SORCS1: variants seen among roughly 807,000 people sequenced by gnomAD.
SORCS1 encodes VPS10 domain-containing receptor SorCS1.
Under a neutral mutation model 146.1 loss-of-function variants are expected in SORCS1, and 60 were observed. The ratio of observed to expected loss-of-function variants is 0.41; its 90% CI spans 0.33 to 0.51. The LOEUF is 0.51. Among genes scored for constraint, SORCS1 ranks in the 20% least tolerant of loss-of-function variants. The pLI, the probability that SORCS1 is intolerant of heterozygous loss-of-function variation, is 0.21. For synonymous variants in SORCS1, 637 were observed against 584.0 expected, an observed-to-expected ratio of 1.09 and a Z score of -1.31; for missense variants, 1,352 against 1,487.6, an observed-to-expected ratio of 0.91 and a Z score of 1.50.
chr10:107,176,492 C>A, the SORCS1 span, among the ~76,000 whole-genome samples: 2 of 151,886 alleles, frequency 1.3e-5, no homozygotes, highest in African/African-American at 4.8e-5. Flanking sequence ...GGCACTACTA[C>A]GCCTGGCTAA....
chr10:106,664,248 C>T (rs188004594), intron 17 of SORCS1, among the ~76,000 whole-genome samples: 1 of 152,280 alleles, frequency 6.6e-6, no homozygotes, highest in East Asian at 1.9e-4. Context: ...TTTTAATTGA[C>T]ATTATGATTT....
Position 107,164,113 on chromosome 10 carries a change from C to G in SORCS1, c.414G>C (p.Gln138His). 2 of 1,613,898 alleles carry G rather than the reference C, an allele frequency of 1.2e-6. No homozygotes were observed. The highest frequency in any genetic ancestry group is 1.7e-6 in the Non-Finnish European group (2 of 1,180,016). ...PRGVLRDGGQ[Q>H]EPGTRERDPD... ...GGTCCCGCTCCCGAGTCCCAGGCTC[C>G]TGCTGCCCTCCATCTCTTAGCACTC... Residue 138 changes from glutamine to histidine, a missense_variant, in exon 1 of 26, where the codon CAG becomes CAC. By Grantham distance (24) the Gln-to-His change is conservative. Around this residue, in one of 3 missense-constraint regions of SORCS1, gnomAD observed 490 missense variants for 489.1 expected, o/e 1.00. Coordinates refer to ENST00000263054, the MANE Select transcript of SORCS1 (RefSeq NM_052918.5). The surrounding 1 kb of genome is among the most constrained non-coding windows in gnomAD (Gnocchi z 6.8).
chr10:106,836,004 T>TA (rs5787690), intron 2 of SORCS1, among the ~76,000 whole-genome samples: 58,607 of 143,544 alleles, frequency 0.41, 11,502 homozygotes, highest in African/African-American at 0.45. Context: ...AGACTGCGTC[T>TA]AAAAAAAAAA....
rs181227174 is a variant in SORCS1 at position 106,972,093 on chromosome 10, C to T, written c.559-15513G>A. On this transcript the variant is annotated intron_variant, in intron 1 of 25. Coordinates refer to ENST00000263054, the MANE Select transcript of SORCS1 (RefSeq NM_052918.5). ...AAATTAGAAATCCCCAGGCCAGGCA[C>T]GGTGGTTCATGCCTGTAATCAATCA... 3.0e-3 allele frequency among the ~76,000 whole-genome samples: 450 copies of T among 152,138 alleles called. 2 individuals carry two copies. Among genetic ancestry groups the T allele is most frequent in the Non-Finnish European group, 4.7e-3 (321 of 67,984 alleles).
At chr10:107,171,948 C>A in the SORCS1 span, among the ~76,000 whole-genome samples, 1 of 152,200 alleles carries the variant, frequency 6.6e-6, no homozygotes, top group African/African-American at 2.4e-5. Flanking sequence ...ACTCAACTAC[C>A]TGCTCAGTTA....
intron 1 of SORCS1, among the ~76,000 whole-genome samples, chr10:107,110,389 G>A (rs964085259): frequency 2.6e-5 from 4 of 152,128 alleles, no homozygotes; most frequent in Non-Finnish European, 5.9e-5. Flanking sequence ...AGAAAGTATG[G>A]TGCAGGCATT....
Position 106,577,021 on chromosome 10 carries a change from C to T in SORCS1, c.*399G>A. On this transcript the variant is annotated 3_prime_UTR_variant, in exon 26 of 26. Transcript: ENST00000263054. ...GAGTGTTTTCCATTAAAATAGAGCA[C>T]CTGTACACTGCCCCTCCAGACATGT... The T allele has an allele frequency of 2.8e-6, 1 of 355,434 alleles. No homozygotes were observed. The highest frequency in any genetic ancestry group is 2.4e-5 in the South Asian group (1 of 42,088). 22.0% of individuals were successfully genotyped at this position (355,434 alleles called of 1,614,324 possible).
chr10:107,021,500 C>A (rs7907501), intron 1 of SORCS1, among the ~76,000 whole-genome samples: 3 of 110,882 alleles, frequency 2.7e-5, no homozygotes, highest in East Asian at 2.9e-4. Flanking sequence ...GGCAACAGAG[C>A]GACACTCCGT....
chr10:107,040,818 C>T (rs1959120644), intron 1 of SORCS1, among the ~76,000 whole-genome samples: 2 of 152,118 alleles, frequency 1.3e-5, no homozygotes, highest in Non-Finnish European at 2.9e-5. Context: ...TGGTGAAACT[C>T]TCTGAAAGTT....
chr10:106,712,829 G>A (rs979237482), intron 6 of SORCS1, among the ~76,000 whole-genome samples: 1 of 152,158 alleles, frequency 6.6e-6, no homozygotes, highest in African/African-American at 2.4e-5. Flanking sequence ...AACACCCATT[G>A]TTCTCTGGCT....
At chr10:106,859,033 C>T (rs10884366) in intron 2 of SORCS1, among the ~76,000 whole-genome samples, 65,763 of 152,098 alleles carry the variant, frequency 0.43, 14,275 homozygotes, top group East Asian at 0.49. Context: ...CTCCCCCTCA[C>T]AGATGCGGCC....
chr10:106,909,029 G>A (rs146953092), intron 2 of SORCS1, among the ~76,000 whole-genome samples: 1 of 152,262 alleles, frequency 6.6e-6, no homozygotes, highest in African/African-American at 2.4e-5. Context: ...TCCAAGGTCA[G>A]CTCTTTCTTG....
intron 5 of SORCS1, among the ~76,000 whole-genome samples, chr10:106,753,950 T>C (rs1858450204): frequency 6.6e-6 from 1 of 152,218 alleles, no homozygotes; most frequent in Non-Finnish European, 1.5e-5. Context: ...GGCAAAATTA[T>C]ATAAGATTGT....
At chr10:107,083,375 T>C (rs1421374155) in intron 1 of SORCS1, among the ~76,000 whole-genome samples, 1 of 152,164 alleles carries the variant, frequency 6.6e-6, no homozygotes, top group African/African-American at 2.4e-5. Context: ...TCTGGTTGTG[T>C]TTTATTTCAA....
At chr10:106,827,966 TATC>T (rs1948372627) in intron 3 of SORCS1, among the ~76,000 whole-genome samples, 1 of 152,262 alleles carries the variant, frequency 6.6e-6, no homozygotes, top group Non-Finnish European at 1.5e-5. Context: ...AGAAAATTTC[TATC>T]ATCAAGTTCT....
intron 2 of SORCS1, among the ~76,000 whole-genome samples, chr10:106,915,507 T>C (rs1016330019): frequency 1.3e-5 from 2 of 151,900 alleles, no homozygotes; most frequent in African/African-American, 4.8e-5. Context: ...CCAACCTCCC[T>C]CCTCCTCCTC....
At chr10:107,021,000 G>A (rs1958103767) in intron 1 of SORCS1, among the ~76,000 whole-genome samples, 1 of 151,920 alleles carries the variant, frequency 6.6e-6, no homozygotes, top group South Asian at 2.1e-4. Context: ...TTTAAAAAGG[G>A]AGAAAGTCTT....
chr10:106,981,222 C>T (rs1181938975), intron 1 of SORCS1, among the ~76,000 whole-genome samples: 1 of 152,182 alleles, frequency 6.6e-6, no homozygotes, highest in Admixed American at 6.5e-5. Flanking sequence ...GCTGAAAACA[C>T]TGAATACTGA....
At chr10:106,702,580 A>G (rs906153726) in intron 8 of SORCS1, among the ~76,000 whole-genome samples, 6 of 152,232 alleles carry the variant, frequency 3.9e-5, no homozygotes, top group Admixed American at 1.3e-4. Context: ...CACAATGATA[A>G]CAGATTAAAA....
Sources: gnomAD v4.1 joint callset for allele counts (sites outside exome capture counted in the v4.1 genomes callset) on GRCh38, gnomAD v4.1.1 for gene constraint, gnomAD v4.1.1 regional missense constraint, Gnocchi (gnomAD v3.1) non-coding constraint, MANE v1.5 for transcripts, NCBI Gene and HGNC (gene_info 2026-07-23, HGNC 2026-07-21) for gene names.